Variants in FGF14 observed in about 807,000 individuals in gnomAD.
FGF14 encodes the protein fibroblast growth factor 14, also known as fibroblast growth factor homologous factor 4.
FGF14 carries 5 observed loss-of-function variants against 25.5 expected under a neutral mutation model. The ratio of observed to expected loss-of-function variants is 0.20; its 90% CI spans 0.10 to 0.41. The LOEUF (loss-of-function observed/expected upper bound fraction) is 0.41, where lower values mean the gene tolerates loss of function less well. FGF14 is among the 10% of genes least tolerant of loss of function. The pLI, the probability that FGF14 is intolerant of heterozygous loss-of-function variation, is 1.00. For synonymous variants in FGF14, 138 were observed against 118.3 expected (o/e 1.17, Z -1.08); for missense variants, 222 against 320.1 (o/e 0.69, Z 2.34).
At chr13:102,300,891 G>A (rs545707623) in intron 1 of FGF14, among the ~76,000 whole-genome samples, 7 of 149,016 alleles carry the variant, frequency 4.7e-5, no homozygotes, top group East Asian at 2.0e-4. Context: ...TTTTCCTGAC[G>A]CCCCAAAGTC....
intron 1 of FGF14, among the ~76,000 whole-genome samples, chr13:102,157,500 A>T (rs2047401308): frequency 6.6e-6 from 1 of 152,208 alleles, no homozygotes; most frequent in South Asian, 2.1e-4. Flanking sequence ...CTTATACAAA[A>T]ATTAATTCAA....
chr13:101,811,741 T>C (rs1472838876), intron 3 of FGF14, among the ~76,000 whole-genome samples: 1 of 152,212 alleles, frequency 6.6e-6, no homozygotes, highest in East Asian at 1.9e-4. Context: ...CAGCAATGAC[T>C]GAGGGTTCCT....
At chr13:102,374,644 T>TTATATATATATA (rs55670716) in intron 1 of FGF14, among the ~76,000 whole-genome samples, 6 of 49,350 alleles carry the variant, frequency 1.2e-4, no homozygotes, top group Non-Finnish European at 2.0e-4. Flanking sequence ...CTTACATATT[T>TTATATATATATA]TATATATATA....
intron 1 of FGF14, among the ~76,000 whole-genome samples, chr13:101,977,724 G>T (rs2038013238): frequency 6.6e-6 from 1 of 152,194 alleles, no homozygotes; most frequent in African/African-American, 2.4e-5. Context: ...TGGCAAAAAT[G>T]AAAAACAAAC....
At chr13:101,805,054 G>A (rs1243547584) in intron 3 of FGF14, among the ~76,000 whole-genome samples, 2 of 152,090 alleles carry the variant, frequency 1.3e-5, no homozygotes, top group Non-Finnish European at 2.9e-5. Context: ...TTATATTATA[G>A]TAAGGTATTA....
chr13:101,865,029 T>C (rs1204069794), intron 3 of FGF14, among the ~76,000 whole-genome samples: 3 of 152,136 alleles, frequency 2.0e-5, no homozygotes, highest in African/African-American at 7.2e-5. Flanking sequence ...AGGACCCAGG[T>C]GTTCTGAATA....
chr13:102,234,035 G>A (rs1159888049), intron 1 of FGF14, among the ~76,000 whole-genome samples: 1 of 152,152 alleles, frequency 6.6e-6, no homozygotes, highest in Non-Finnish European at 1.5e-5. Context: ...TGGTTGCCAG[G>A]GACTGGGGAA....
chr13:102,082,887 G>A (rs906377594), intron 1 of FGF14, among the ~76,000 whole-genome samples: 2 of 151,960 alleles, frequency 1.3e-5, no homozygotes, highest in Non-Finnish European at 2.9e-5. Context: ...GAACCCGGGA[G>A]GCGGAGCTTG....
chr13:102,318,376 G>GT (rs1469838867), intron 1 of FGF14, among the ~76,000 whole-genome samples: 1 of 152,186 alleles, frequency 6.6e-6, no homozygotes, highest in African/African-American at 2.4e-5. Context: ...CTAGGCTGCT[G>GT]TAACAAGGCA....
intron 3 of FGF14, 118 bp downstream of exon 3, chr13:101,868,606 CA>C (rs1220793003): frequency 2.6e-6 from 2 of 772,652 alleles, no homozygotes; most frequent in African/African-American, 3.4e-5. Flanking sequence ...TCGCAAAGAT[CA>C]AATACTAAGG....
intron 1 of FGF14, among the ~76,000 whole-genome samples, chr13:102,147,435 A>G (rs1270095416): frequency 6.6e-6 from 1 of 152,204 alleles, no homozygotes; most frequent in Non-Finnish European, 1.5e-5. Context: ...ACACTGGTGG[A>G]GAATGCAATG....
chr13:102,375,410 A>G (rs1443924637), intron 1 of FGF14, among the ~76,000 whole-genome samples: 1 of 152,200 alleles, frequency 6.6e-6, no homozygotes, highest in African/African-American at 2.4e-5. Flanking sequence ...AAATGTTTTA[A>G]CTGAAAGCAT....
chr13:102,241,935 C>T (rs1441006370), intron 1 of FGF14, among the ~76,000 whole-genome samples: 1 of 151,952 alleles, frequency 6.6e-6, no homozygotes, highest in Non-Finnish European at 1.5e-5. Context: ...TCTTGGCAAC[C>T]TGAAAATAAA....
chr13:102,216,262 T>C (rs894290554), intron 1 of FGF14, among the ~76,000 whole-genome samples: 4 of 152,128 alleles, frequency 2.6e-5, no homozygotes, highest in South Asian at 2.1e-4. Context: ...GAAAGCCACA[T>C]CATTCTACCA....
At chr13:102,383,856 T>G (rs1481343979) in intron 1 of FGF14, among the ~76,000 whole-genome samples, 1 of 152,178 alleles carries the variant, frequency 6.6e-6, no homozygotes, top group Non-Finnish European at 1.5e-5. Context: ...CAGGAAGGGT[T>G]GGGTGTGAAA....
intron 1 of FGF14, among the ~76,000 whole-genome samples, chr13:102,058,764 C>T (rs765977267): frequency 4.6e-5 from 7 of 152,018 alleles, no homozygotes; most frequent in Non-Finnish European, 5.9e-5. Flanking sequence ...AATCTAATAA[C>T]CAGTCTTACT....
At chr13:102,236,303 AG>A (rs2051325498) in intron 1 of FGF14, among the ~76,000 whole-genome samples, 1 of 152,218 alleles carries the variant, frequency 6.6e-6, no homozygotes, top group Admixed American at 6.5e-5. Context: ...TTCTGGTAAC[AG>A]GATCAGCAGA....
At chr13:101,884,771 T>C (rs1188181591) in intron 1 of FGF14, among the ~76,000 whole-genome samples, 1 of 152,136 alleles carries the variant, frequency 6.6e-6, no homozygotes, top group East Asian at 1.9e-4. Flanking sequence ...GCATACCTTA[T>C]TTAAACGGTG....
At chr13:101,906,622 G>T (rs1218867087) in intron 1 of FGF14, among the ~76,000 whole-genome samples, 3 of 152,138 alleles carry the variant, frequency 2.0e-5, no homozygotes, top group Non-Finnish European at 4.4e-5. Flanking sequence ...ATGTCTCGTT[G>T]TTGAGCCAAG....
Sources: gnomAD v4.1 joint callset for allele counts (sites outside exome capture counted in the v4.1 genomes callset) on GRCh38, gnomAD v4.1.1 for gene constraint, MANE v1.5 for transcripts, NCBI Gene and HGNC (gene_info 2026-07-23, HGNC 2026-07-21) for gene names.